The following TMIGD2 variants were observed in gnomAD, a reference collection of about 807,000 sequenced individuals.
TMIGD2 encodes transmembrane and immunoglobulin domain-containing protein 2.
Under a neutral mutation model 22.6 loss-of-function variants are expected in TMIGD2, and 18 were observed. The ratio of observed to expected loss-of-function variants is 0.80; its 90% CI spans 0.55 to 1.18. The LOEUF is 1.18. Among genes scored for constraint, TMIGD2 ranks in the 50% most tolerant of loss-of-function variants. The pLI, the probability that TMIGD2 is intolerant of heterozygous loss-of-function variation, is 0.00. For missense variants in TMIGD2, 361 were observed against 378.2 expected, an observed-to-expected ratio of 0.95 and a Z score of 0.38; for synonymous variants, 184 against 154.1, an observed-to-expected ratio of 1.19 and a Z score of -1.44.
chr19:4,301,943 G>A (rs1971541723), intron 1 of TMIGD2, among the ~76,000 whole-genome samples: 1 of 152,202 alleles, frequency 6.6e-6, no homozygotes, highest in Non-Finnish European at 1.5e-5. Flanking sequence ...AATTGCAGAG[G>A]AGGGTAGAGA....
chr19:4,292,739 C>G (rs1212531095), exon 5 of TMIGD2: 1 of 1,610,082 alleles, frequency 6.2e-7, no homozygotes. Context: ...GGTCTTGACG[C>G]CAGGTGCGGC....
intron 1 of TMIGD2, among the ~76,000 whole-genome samples, chr19:4,301,695 A>T (rs1261933815): frequency 6.6e-6 from 1 of 152,186 alleles, no homozygotes; most frequent in Non-Finnish European, 1.5e-5. Flanking sequence ...AAACAAACAA[A>T]AAAACACAAA....
intron 3 of TMIGD2, 25 bp downstream of exon 3, chr19:4,294,750 G>T: frequency 1.3e-6 from 2 of 1,581,882 alleles, no homozygotes; most frequent in Non-Finnish European, 1.7e-6. Flanking sequence ...AAGACGCTGG[G>T]GGAGGAACAC....
intron 1 of TMIGD2, among the ~76,000 whole-genome samples, chr19:4,299,554 G>A (rs1971507891): frequency 1.3e-5 from 2 of 151,262 alleles, no homozygotes; most frequent in African/African-American, 4.9e-5. Flanking sequence ...CCAGTCTGGA[G>A]CGCAGTGGCA....
exon 2 of TMIGD2, chr19:4,298,176 G>A (rs1439118671): frequency 1.2e-6 from 2 of 1,613,452 alleles, no homozygotes; most frequent in Non-Finnish European, 1.7e-6. Context: ...GGCTGCCGTT[G>A]GTGATGTACG....
chr19:4,302,234 T>A (rs1971546349), intron 1 of TMIGD2, 106 bp downstream of exon 1: 1 of 1,234,764 alleles, frequency 8.1e-7, no homozygotes, highest in Non-Finnish European at 1.1e-6. Context: ...GGGCCTTATC[T>A]GACAGTAGAG....
intron 2 of TMIGD2, among the ~76,000 whole-genome samples, 193 bp from the exon 3 acceptor site, chr19:4,295,009 C>T (rs770206968): frequency 2.6e-5 from 4 of 151,784 alleles, no homozygotes; most frequent in Admixed American, 6.6e-5. Flanking sequence ...GCCTGTAATC[C>T]GAGCACTCTG....
intron 1 of TMIGD2, among the ~76,000 whole-genome samples, chr19:4,299,805 G>A (rs191478206): frequency 4.0e-5 from 6 of 151,166 alleles, no homozygotes; most frequent in Non-Finnish European, 7.4e-5. Flanking sequence ...AGAATCACTT[G>A]AATCCGAGAG....
intron 1 of TMIGD2, among the ~76,000 whole-genome samples, chr19:4,300,409 T>G (rs7408794): frequency 0.13 from 19,079 of 150,932 alleles, 1,409 homozygotes; most frequent in South Asian, 0.23. Context: ...ATACAAAAAT[T>G]AGCTGGGTGT....
intron 1 of TMIGD2, among the ~76,000 whole-genome samples, chr19:4,300,729 A>C (rs1215825240): frequency 6.6e-6 from 1 of 152,212 alleles, no homozygotes; most frequent in Non-Finnish European, 1.5e-5. Flanking sequence ...CATTCCAGGC[A>C]GTGCACAGCC....
chr19:4,295,100 A>C (rs1328357671), intron 2 of TMIGD2, among the ~76,000 whole-genome samples: 1 of 151,662 alleles, frequency 6.6e-6, no homozygotes, highest in Non-Finnish European at 1.5e-5. Flanking sequence ...ATCTCTACAA[A>C]AAAATATAAA....
intron 2 of TMIGD2, among the ~76,000 whole-genome samples, chr19:4,295,044 C>T (rs75689484): frequency 6.6e-6 from 1 of 151,248 alleles, no homozygotes; most frequent in Non-Finnish European, 1.5e-5. Flanking sequence ...GAGGATCACT[C>T]GAGGTCAGGA....
chr19:4,293,576 T>TA (rs57628784), intron 4 of TMIGD2, among the ~76,000 whole-genome samples: 53 of 150,278 alleles, frequency 3.5e-4, no homozygotes, highest in African/African-American at 1.1e-3. Context: ...TTTTTTTTTT[T>TA]AATTTCAAAC....
Position 4,294,836 on chromosome 19 carries a change from G to C in TMIGD2, c.407-20C>G, listed in dbSNP as rs1344601888. ...GGTCATCTGCAGAGAAGAAATCTAT[G>C]TCACGGGGGTGCCAGGCTTCTCCAC... On this transcript the variant is annotated intron_variant, in intron 2 of 4. Transcript: ENST00000301272. 1.3e-6 allele frequency: 2 copies of C among 1,536,686 alleles called. No individual in the cohort carries two copies. Among genetic ancestry groups the C allele is most frequent in the Non-Finnish European group, 1.7e-6 (2 of 1,144,412 alleles).
chr19:4,293,040 T>C (rs1390427124), intron 4 of TMIGD2, among the ~76,000 whole-genome samples, 155 bp from the exon 5 acceptor site: 5 of 151,570 alleles, frequency 3.3e-5, no homozygotes, highest in African/African-American at 4.8e-5. Context: ...CTCGGCTCAC[T>C]GCAAGCTTCG....
chr19:4,300,859 G>A (rs1971527588), intron 1 of TMIGD2, among the ~76,000 whole-genome samples: 1 of 152,218 alleles, frequency 6.6e-6, no homozygotes, highest in Non-Finnish European at 1.5e-5. Flanking sequence ...CAGGGCCTGT[G>A]AGCCTTGGGG....
intron 1 of TMIGD2, 126 bp downstream of exon 1, chr19:4,302,214 G>A (rs540299951): frequency 9.0e-6 from 9 of 998,462 alleles, no homozygotes; most frequent in Admixed American, 5.9e-5. Context: ...TCTGAGTCTC[G>A]GAGGGAGATG....
At chr19:4,301,408 C>T (rs1370831578) in intron 1 of TMIGD2, among the ~76,000 whole-genome samples, 1 of 152,166 alleles carries the variant, frequency 6.6e-6, no homozygotes, top group Non-Finnish European at 1.5e-5. Context: ...GTGGCTCACG[C>T]CTGTAATCCC....
At chr19:4,298,390 T>A (rs752932825) in intron 1 of TMIGD2, 45 bp from the exon 2 acceptor site, 72 of 1,506,098 alleles carry the variant, frequency 4.8e-5, no homozygotes, top group Non-Finnish European at 6.3e-5. Context: ...ACTGTGCGCA[T>A]GTGAGGCTGT....
Sources: gnomAD v4.1 joint callset for allele counts (sites outside exome capture counted in the v4.1 genomes callset) on GRCh38, gnomAD v4.1.1 for gene constraint, MANE v1.5 for transcripts, NCBI Gene and HGNC (gene_info 2026-07-23, HGNC 2026-07-21) for gene names.